The following PIAS1 variants were observed in gnomAD, a reference collection of about 807,000 sequenced individuals.
PIAS1 encodes the protein E3 SUMO-protein ligase PIAS1.
In PIAS1, 6 loss-of-function variants were observed where a neutral mutation model predicts 71.3. That is an observed-to-expected ratio of 0.08 (90% CI 0.05 to 0.17). The LOEUF is 0.17. PIAS1 is among the 10% of genes least tolerant of loss of function. The pLI is 1.00. For synonymous variants in PIAS1, 303 were observed against 292.9 expected, an observed-to-expected ratio of 1.03 and a Z score of -0.35; for missense variants, 555 against 793.6, an observed-to-expected ratio of 0.70 and a Z score of 3.61.
chr15:68,099,976 T>C (rs1161825775), intron 2 of PIAS1, among the ~76,000 whole-genome samples: 1 of 151,976 alleles, frequency 6.6e-6, no homozygotes, highest in Non-Finnish European at 1.5e-5. Context: ...ATTCTTTAAT[T>C]GAATTACTTG....
intron 2 of PIAS1, among the ~76,000 whole-genome samples, chr15:68,134,834 G>A (rs1393837442): frequency 2.1e-5 from 1 of 47,448 alleles, no homozygotes; most frequent in African/African-American, 4.4e-5. Flanking sequence ...GCGGCTGGCC[G>A]GGCGGGGGGC....
At chr15:68,062,060 A>G (rs756352192) in intron 1 of PIAS1, among the ~76,000 whole-genome samples, 6 of 152,224 alleles carry the variant, frequency 3.9e-5, no homozygotes, top group Non-Finnish European at 8.8e-5. Flanking sequence ...ACTCTTGTCT[A>G]TAAGACAATC....
At chr15:68,099,985 T>A (rs2092409239) in intron 2 of PIAS1, among the ~76,000 whole-genome samples, 1 of 151,536 alleles carries the variant, frequency 6.6e-6, no homozygotes, top group African/African-American at 2.4e-5. Flanking sequence ...TTGAATTACT[T>A]GTTTTTATAT....
At chr15:68,073,460 G>A (rs576844376) in intron 1 of PIAS1, among the ~76,000 whole-genome samples, 1 of 152,202 alleles carries the variant, frequency 6.6e-6, no homozygotes, top group African/African-American at 2.4e-5. Context: ...GTTAAGAATT[G>A]ACAAGTAAAC....
intron 1 of PIAS1, among the ~76,000 whole-genome samples, chr15:68,065,472 T>G (rs1036299558): frequency 6.6e-6 from 1 of 151,750 alleles, no homozygotes; most frequent in African/African-American, 2.4e-5. Context: ...GCACCTGTGG[T>G]TCCAGCTGCT....
At chr15:68,078,407 A>T (rs996965871) in intron 1 of PIAS1, among the ~76,000 whole-genome samples, 6 of 152,058 alleles carry the variant, frequency 3.9e-5, no homozygotes, top group Admixed American at 1.3e-4. Context: ...TTCTTATTTC[A>T]GCCATCCTAT....
At chr15:68,130,225 A>G (rs2092680731) in intron 2 of PIAS1, among the ~76,000 whole-genome samples, 1 of 152,032 alleles carries the variant, frequency 6.6e-6, no homozygotes, top group Non-Finnish European at 1.5e-5. Flanking sequence ...ATAAACCTTA[A>G]AAGAAAAAGG....
intron 7 of PIAS1, among the ~76,000 whole-genome samples, chr15:68,162,634 C>T (rs1039385111): frequency 6.6e-6 from 1 of 152,136 alleles, no homozygotes; most frequent in African/African-American, 2.4e-5. Flanking sequence ...AGTCCAGGGG[C>T]CACAGATCCA....
intron 6 of PIAS1, 66 bp from the exon 7 acceptor site, chr15:68,153,524 G>A (rs1054296380): frequency 9.8e-6 from 7 of 715,746 alleles, no homozygotes; most frequent in Non-Finnish European, 1.7e-5. Flanking sequence ...CTATCATGGT[G>A]AGATTAAAAT....
At chr15:68,057,650 C>T (rs1597107115) in intron 1 of PIAS1, 2 of 254,856 alleles carry the variant, frequency 7.8e-6, no homozygotes, top group Non-Finnish European at 7.7e-6. Flanking sequence ...TTGATCCTTA[C>T]GCTGTAATTT....
At chr15:68,109,376 A>C (rs1177074862) in intron 2 of PIAS1, among the ~76,000 whole-genome samples, 1 of 152,144 alleles carries the variant, frequency 6.6e-6, no homozygotes, top group Admixed American at 6.6e-5. Context: ...TCTTCTCATT[A>C]CAGTGTAAAT....
chr15:68,132,117 T>C (rs1358374231), intron 2 of PIAS1, among the ~76,000 whole-genome samples: 1 of 151,568 alleles, frequency 6.6e-6, no homozygotes. Context: ...TGCATCAGAA[T>C]TATTCCCAGT....
chr15:68,122,679 A>G (rs1022868451), intron 2 of PIAS1, among the ~76,000 whole-genome samples: 10 of 152,188 alleles, frequency 6.6e-5, no homozygotes, highest in African/African-American at 2.4e-4. Context: ...TATTAGCTTA[A>G]TTTGATTGCC....
intron 7 of PIAS1, among the ~76,000 whole-genome samples, chr15:68,154,593 T>G (rs1567067133): frequency 6.6e-6 from 1 of 152,226 alleles, no homozygotes; most frequent in African/African-American, 2.4e-5. Flanking sequence ...TATTACCCCT[T>G]TCTGTAACTT....
At chr15:68,090,595 CTTTTAT>C (rs1447103786) in intron 2 of PIAS1, among the ~76,000 whole-genome samples, 1 of 152,168 alleles carries the variant, frequency 6.6e-6, no homozygotes, top group South Asian at 2.1e-4. Context: ...TAGATGGAAT[CTTTTAT>C]TTCATTTTAA....
chr15:68,182,460 G>C (rs1457906686), intron 12 of PIAS1, among the ~76,000 whole-genome samples: 1 of 127,258 alleles, frequency 7.9e-6, no homozygotes, highest in Non-Finnish European at 1.7e-5. Context: ...GTGTGTGTGT[G>C]TCGGAGTTTT....
chr15:68,180,831 CTG>C (rs1379050082), intron 11 of PIAS1, among the ~76,000 whole-genome samples: 7 of 152,134 alleles, frequency 4.6e-5, no homozygotes, highest in African/African-American at 1.7e-4. Flanking sequence ...AGCCAATACT[CTG>C]GTGTTGTTTT....
intron 10 of PIAS1, 83 bp from the exon 11 acceptor site, chr15:68,176,391 T>C: frequency 1.2e-6 from 1 of 854,486 alleles, no homozygotes; most frequent in Non-Finnish European, 1.7e-6. Flanking sequence ...ATCTAAACTG[T>C]AACTGATAAA....
intron 2 of PIAS1, among the ~76,000 whole-genome samples, chr15:68,088,176 G>GTGTGTGTATATATATATATATATATATA (rs150997979): frequency 5.5e-5 from 4 of 73,004 alleles, no homozygotes; most frequent in African/African-American, 2.5e-4. Flanking sequence ...TTATGTGTGT[G>GTGTGTGTATATATATATATATATATATA]TATATATATA....
Sources: allele counts gnomAD v4.1 joint callset (sites outside exome capture counted in the v4.1 genomes callset), GRCh38; gene constraint gnomAD v4.1.1; transcripts MANE v1.5; gene names NCBI Gene and HGNC (gene_info 2026-07-23, HGNC 2026-07-21).